The following PGR variants were observed in gnomAD, a reference collection of about 807,000 sequenced individuals.
PGR encodes the protein progesterone receptor.
Under a neutral mutation model 76.1 loss-of-function variants are expected in PGR, and 25 were observed. The ratio of observed to expected loss-of-function variants is 0.33; its 90% CI spans 0.24 to 0.46. The LOEUF is 0.46. Ranked by LOEUF, PGR falls within the 20% of genes least tolerant of loss-of-function variation. The pLI is 1.00. For missense variants in PGR, 1,172 were observed against 1,225.3 expected (o/e 0.96, Z 0.65); for synonymous variants, 579 against 535.0 (o/e 1.08, Z -1.14).
At position 101,039,155 on chromosome 11, in the gene PGR, C is replaced by G; in HGVS notation, c.2763G>C (p.Leu921Phe). Residue 921 changes from leucine to phenylalanine, a missense_variant, in exon 8 of 8, where the codon TTG (leucine) becomes TTC (phenylalanine). Physicochemically the swap from Leu to Phe is conservative, Grantham distance 22. This residue lies in a region of PGR where 166 missense variants were observed against 296.0 expected (regional missense o/e 0.56). Transcript: ENST00000325455. The stretch of plus-strand genomic sequence containing the variant: ...AGAGAAGGGGTTTCACCATCCCTGC[C>G]AATATCTTGGGTAATTGTGCAGCAA... ...EVIAAQLPKI[L>F]AGMVKPLLFH... The G allele has an allele frequency of 6.2e-7, 1 of 1,611,952 alleles. No individual in the cohort carries two copies. Among genetic ancestry groups the G allele is most frequent in the Non-Finnish European group, 8.5e-7 (1 of 1,178,442 alleles).
intron 2 of PGR, among the ~76,000 whole-genome samples, chr11:101,103,359 A>C (rs1441927130): frequency 6.6e-6 from 1 of 152,064 alleles, no homozygotes; most frequent in Non-Finnish European, 1.5e-5. Flanking sequence ...GGCACTGAAC[A>C]CCAGGTGTGA....
chr11:101,093,041 A>C (rs1399356683), intron 2 of PGR, among the ~76,000 whole-genome samples: 1 of 152,216 alleles, frequency 6.6e-6, no homozygotes, highest in African/African-American at 2.4e-5. Flanking sequence ...CAAAAGGCCT[A>C]TATATGTGAC....
intron 1 of PGR, chr11:101,127,218 A>G (rs2135512254): frequency 2.6e-6 from 1 of 386,310 alleles, no homozygotes; most frequent in African/African-American, 2.1e-5. Flanking sequence ...CAAAAATAGT[A>G]TATTCTGCGC....
chr11:101,049,992 C>A lies in PGR; in HGVS notation c.2425G>T (p.Val809Phe). The A allele has an allele frequency of 6.2e-7, 1 of 1,612,624 alleles. No individual in the cohort carries two copies. ...TCTTCTTGGCTAACTTGAAGCTTGACAAACTCCTGTGGGATCTGCCACATG... is the reference window on the plus strand; with the variant it reads ...TCTTCTTGGCTAACTTGAAGCTTGAAAAACTCCTGTGGGATCTGCCACATG... ...LTMWQIPQEF[V>F]KLQVSQEEFL... is the part of the protein sequence containing the mutation. Residue 809 changes from valine (V) to phenylalanine (F), a missense_variant, in exon 6 of 8, where the codon GTC (valine) becomes TTC (phenylalanine). Physicochemically the swap from Val to Phe is conservative, Grantham distance 50. Around this residue, in one of 4 missense-constraint regions of PGR, gnomAD observed 166 missense variants for 296.0 expected, o/e 0.56. Coordinates refer to ENST00000325455, the MANE Select transcript of PGR (RefSeq NM_000926.4).
intron 2 of PGR, among the ~76,000 whole-genome samples, chr11:101,106,179 T>C (rs1459220421): frequency 1.3e-5 from 2 of 152,178 alleles, no homozygotes; most frequent in African/African-American, 2.4e-5. Context: ...AGAGACTTCA[T>C]GTCTAAAACA....
In PGR at chr11:101,039,291, G is replaced by T. The variant is rs200742742; in HGVS notation, c.2647-20C>A. ...GACAAGCTGTTGGTTTAACAAATGAGTAGAAAACATGTAATAAAAATAATA... is the reference window on the plus strand; with the variant it reads ...GACAAGCTGTTGGTTTAACAAATGATTAGAAAACATGTAATAAAAATAATA... On this transcript the variant is annotated intron_variant, in intron 7 of 7. Coordinates refer to ENST00000325455, the MANE Select transcript of PGR (RefSeq NM_000926.4). 8.9e-6 allele frequency: 14 copies of T among 1,570,836 alleles called. No individual in the cohort carries two copies. Among genetic ancestry groups the T allele is most frequent in the Middle Eastern group, 3.3e-4 (2 of 6,010 alleles).
At position 101,120,132 on chromosome 11, in the gene PGR, G is replaced by C. The variant is rs1214840567; in HGVS notation, c.1789+5875C>G. The stretch of plus-strand genomic sequence containing the variant: ...CTCCATGTGTCTAACTGAATACTAC[G>C]GTGTGTTGGCCACGGCTCTGGCATA... On this transcript the variant is annotated intron_variant, in intron 2 of 7. Coordinates refer to ENST00000325455, the MANE Select transcript of PGR (RefSeq NM_000926.4). Among the ~76,000 whole-genome samples the C allele has an allele frequency of 2.0e-5, 3 of 152,052 alleles. No homozygotes were observed. The East Asian group carries it at 5.8e-4, about 29-fold the overall frequency.
chr11:101,061,908 T>C (rs1445261887), intron 4 of PGR, among the ~76,000 whole-genome samples: 2 of 152,216 alleles, frequency 1.3e-5, no homozygotes, highest in African/African-American at 4.8e-5. Flanking sequence ...TCTTTGGGTA[T>C]AAATTAGAGG....
intron 2 of PGR, among the ~76,000 whole-genome samples, chr11:101,097,391 ATTT>A (rs1399708099): frequency 3.9e-5 from 6 of 152,122 alleles, no homozygotes; most frequent in Non-Finnish European, 8.8e-5. Context: ...GGCTTTAGAC[ATTT>A]CTTCTGTGTA....
intron 4 of PGR, among the ~76,000 whole-genome samples, chr11:101,061,646 G>A (rs1860502681): frequency 6.6e-6 from 1 of 152,140 alleles, no homozygotes; most frequent in Non-Finnish European, 1.5e-5. Flanking sequence ...GATGTGAAGA[G>A]AATGTAGTTT....
At chr11:101,107,258 G>A (rs545329951) in intron 2 of PGR, among the ~76,000 whole-genome samples, 13 of 152,188 alleles carry the variant, frequency 8.5e-5, no homozygotes, top group African/African-American at 2.9e-4. Context: ...TAAATAATGT[G>A]TTCTTTTTTC....
At chr11:101,092,320 A>G (rs1861700341) in intron 2 of PGR, among the ~76,000 whole-genome samples, 1 of 152,160 alleles carries the variant, frequency 6.6e-6, no homozygotes, top group South Asian at 2.1e-4. Context: ...TCTGGAAAAG[A>G]CCTTTTAAAA....
chr11:101,084,102 A>G (rs1363356937), intron 3 of PGR, among the ~76,000 whole-genome samples: 3 of 152,100 alleles, frequency 2.0e-5, no homozygotes, highest in Non-Finnish European at 4.4e-5. Flanking sequence ...CATGATAGTG[A>G]GTGGGTTCTC....
chr11:101,118,595 A>G (rs1363278321), intron 2 of PGR, among the ~76,000 whole-genome samples: 1 of 152,208 alleles, frequency 6.6e-6, no homozygotes, highest in Non-Finnish European at 1.5e-5. Context: ...AGCAGTTAAA[A>G]ATAAAGCTCA....
chr11:101,125,844 C>G (rs1240301050), intron 2 of PGR, among the ~76,000 whole-genome samples, 163 bp downstream of exon 2: 1 of 151,928 alleles, frequency 6.6e-6, no homozygotes, highest in Admixed American at 6.6e-5. Flanking sequence ...TTTTGAGTAT[C>G]ATAAATAAAA....
At position 101,033,562 on chromosome 11, in the gene PGR, T is replaced by C. The variant is rs1859416528; in HGVS notation, c.*5554A>G. ...TATATCAAATCTGTGTGGATATAAT[T>C]GTTATTCATGCTGCTCAGCAGCTTT... On this transcript the variant is annotated 3_prime_UTR_variant, in exon 8 of 8. Coordinates refer to ENST00000325455, the MANE Select transcript of PGR (RefSeq NM_000926.4). The C allele has an allele frequency of 5.1e-6, 1 of 195,058 alleles. No individual in the cohort carries two copies. 12.1% of individuals were successfully genotyped at this position (195,058 alleles called of 1,614,324 possible).
chr11:101,068,613 A>C (rs918012197), intron 3 of PGR, among the ~76,000 whole-genome samples: 2 of 152,184 alleles, frequency 1.3e-5, no homozygotes, highest in Non-Finnish European at 2.9e-5. Context: ...CCTGACTTCA[A>C]ACTATACTTC....
At chr11:101,120,900 C>T (rs948671749) in intron 2 of PGR, among the ~76,000 whole-genome samples, 11 of 152,216 alleles carry the variant, frequency 7.2e-5, no homozygotes, top group African/African-American at 2.7e-4. Flanking sequence ...ACTGCTTCTC[C>T]TCTGGCTCTT....
At chr11:101,084,212 GA>G (rs1388300176) in intron 3 of PGR, among the ~76,000 whole-genome samples, 2 of 152,182 alleles carry the variant, frequency 1.3e-5, no homozygotes, top group Non-Finnish European at 2.9e-5. Flanking sequence ...CTTCTGCCTT[GA>G]TTGTAAGTTT....
Sources: allele counts gnomAD v4.1 joint callset (sites outside exome capture counted in the v4.1 genomes callset), GRCh38; gene constraint gnomAD v4.1.1; regional missense constraint gnomAD v4.1.1; transcripts MANE v1.5; gene names NCBI Gene and HGNC (gene_info 2026-07-23, HGNC 2026-07-21).